Variants in CREBBP observed in about 807,000 individuals in gnomAD.
The protein encoded by CREBBP is CREB binding lysine acetyltransferase.
A neutral mutation model predicts 265.0 loss-of-function variants in CREBBP; 19 were observed. That is an observed-to-expected ratio of 0.07 (90% confidence interval 0.05 to 0.11). The LOEUF (loss-of-function observed/expected upper bound fraction) is 0.11. CREBBP is among the 10% of genes least tolerant of loss of function. The pLI is 1.00. For synonymous variants in CREBBP, 1,457 were observed against 1,223.7 expected, an observed-to-expected ratio of 1.19 and a Z score of -3.98; for missense variants, 2,525 against 3,219.0, an observed-to-expected ratio of 0.78 and a Z score of 5.22.
rs1468105102 is a variant in CREBBP at position 3,810,667 on chromosome 16, A to C, written c.911T>G (p.Val304Gly). The C allele has an allele frequency of 6.2e-7, 1 of 1,613,628 alleles. No individual in the cohort carries two copies. ...NPQLASKQSM[V>G]NSLPTFPTDI... ...TGTAGGGAAGGTGGGCAAACTGTTG[A>C]CCATGCTCTGTTTGCTGGCTAACTG... Residue 304 changes from valine to glycine, a missense_variant, in exon 3 of 31, where the codon GTC (valine) becomes GGC (glycine). Physicochemically the swap from Val to Gly is moderately radical, Grantham distance 109. Transcript: ENST00000262367.
At chr16:3,856,293 TTTTA>T (rs2054962697) in intron 1 of CREBBP, among the ~76,000 whole-genome samples, 1 of 152,114 alleles carries the variant, frequency 6.6e-6, no homozygotes, top group Non-Finnish European at 1.5e-5. Context: ...ACAGCTCATT[TTTTA>T]TTTTATTTTT....
chr16:3,839,856 TGA>T (rs1305938459), intron 2 of CREBBP, among the ~76,000 whole-genome samples: 1 of 141,438 alleles, frequency 7.1e-6, no homozygotes, highest in African/African-American at 2.6e-5. Context: ...AGAGGAAGAG[TGA>T]GAGAAAGAAA....
chr16:3,769,974 G>A (rs527297225), intron 14 of CREBBP, among the ~76,000 whole-genome samples: 12 of 152,106 alleles, frequency 7.9e-5, no homozygotes, highest in Admixed American at 7.2e-4. Flanking sequence ...AGGCTCAAGC[G>A]ATTCTCCCGC....
intron 1 of CREBBP, among the ~76,000 whole-genome samples, chr16:3,856,081 AAAT>A (rs2054956025): frequency 6.6e-6 from 1 of 152,270 alleles, no homozygotes; most frequent in African/African-American, 2.4e-5. Context: ...TGTCAACTAC[AAAT>A]AAAAGGAAAA....
intron 1 of CREBBP, among the ~76,000 whole-genome samples, chr16:3,866,455 T>C (rs573214152): frequency 8.5e-5 from 13 of 152,322 alleles, no homozygotes; most frequent in African/African-American, 2.9e-4. Flanking sequence ...GTTCAAATAA[T>C]TCTCATTAGA....
At chr16:3,735,579 G>A (rs2052034136) in intron 28 of CREBBP, among the ~76,000 whole-genome samples, 1 of 152,212 alleles carries the variant, frequency 6.6e-6, no homozygotes, top group East Asian at 1.9e-4. Flanking sequence ...ACAGGTGTGA[G>A]CCACCGCGCC....
Position 3,770,606 on chromosome 16 carries a change from C to T in CREBBP, c.2844G>A (p.Gln948=), listed in dbSNP as rs1007589994. The T allele has an allele frequency of 1.1e-5, 18 of 1,613,654 alleles. No individual in the cohort carries two copies. The highest frequency in any genetic ancestry group is 1.3e-5 in the Non-Finnish European group (15 of 1,180,016). Residue 948 remains glutamine, a synonymous_variant, in exon 14 of 31, where the codon CAG becomes CAA. Coordinates refer to ENST00000262367, the MANE Select transcript of CREBBP (RefSeq NM_004380.3). The part of the protein sequence containing the change: ...SVATPQSSQQ[Q]PTPVHAQPPG... ...GAGGCTGGGCGTGCACAGGCGTCGG[C>T]TGTTGCTGCGATGACTGAGGGGTAG...
chr16:3,757,077 C>T (rs1485130510), intron 19 of CREBBP, among the ~76,000 whole-genome samples: 3 of 152,052 alleles, frequency 2.0e-5, no homozygotes, highest in Admixed American at 6.6e-5. Flanking sequence ...TTCTCTATGT[C>T]GCCAAGGCTG....
At chr16:3,842,714 C>T (rs1392909687) in intron 2 of CREBBP, among the ~76,000 whole-genome samples, 2 of 152,036 alleles carry the variant, frequency 1.3e-5, no homozygotes, top group African/African-American at 4.8e-5. Flanking sequence ...CCTGTAACCT[C>T]AGCACTTTGG....
chr16:3,799,262 A>G (rs1167512242), intron 3 of CREBBP, among the ~76,000 whole-genome samples: 1 of 152,246 alleles, frequency 6.6e-6, no homozygotes, highest in East Asian at 1.9e-4. Context: ...GTTACACAAT[A>G]TACTAAATAC....
intron 1 of CREBBP, among the ~76,000 whole-genome samples, chr16:3,858,558 A>T (rs2055009721): frequency 4.6e-5 from 7 of 152,234 alleles, no homozygotes; most frequent in Admixed American, 4.6e-4. Context: ...CTCAGTGCCT[A>T]GCATAAAATG....
At chr16:3,769,386 A>C (rs930727835) in intron 14 of CREBBP, 33 bp from the exon 15 acceptor site, 1 of 1,613,474 alleles carries the variant, frequency 6.2e-7, no homozygotes, top group Admixed American at 1.7e-5. Context: ...GACTTCAGTA[A>C]GCAAGGTAAC....
At chr16:3,830,094 T>A (rs1199833171) in intron 2 of CREBBP, among the ~76,000 whole-genome samples, 1 of 152,110 alleles carries the variant, frequency 6.6e-6, no homozygotes, top group African/African-American at 2.4e-5. Flanking sequence ...GAGACATACT[T>A]AAGAGACAAA....
chr16:3,803,403 G>C (rs193096462), intron 3 of CREBBP, among the ~76,000 whole-genome samples: 3 of 151,888 alleles, frequency 2.0e-5, no homozygotes, highest in Admixed American at 2.0e-4. Context: ...TACTCGGAAG[G>C]CTGAGGCAGG....
At chr16:3,766,908 T>A (rs777901573) in intron 16 of CREBBP, among the ~76,000 whole-genome samples, 3 of 151,986 alleles carry the variant, frequency 2.0e-5, no homozygotes, top group Non-Finnish European at 4.4e-5. Flanking sequence ...TTTCTAAGAG[T>A]ATAAAGAGCC....
chr16:3,735,774 C>T (rs1241439037), intron 28 of CREBBP, among the ~76,000 whole-genome samples: 3 of 152,194 alleles, frequency 2.0e-5, no homozygotes, highest in Non-Finnish European at 2.9e-5. Flanking sequence ...TCCTGACTGC[C>T]CCATGTCCCA....
chr16:3,794,048 C>T (rs1405838110), intron 3 of CREBBP, among the ~76,000 whole-genome samples: 1 of 152,180 alleles, frequency 6.6e-6, no homozygotes, highest in Non-Finnish European at 1.5e-5. Context: ...CAAGGCCTGG[C>T]CGAGCGCGTT....
rs71133655 is a variant in CREBBP at position 3,768,136 on chromosome 16, GTTTTTTTTTTTTTTTT to G, written c.3061-243_3061-228del. 3.9e-3 allele frequency among the ~76,000 whole-genome samples: 203 copies of G among 51,628 alleles called. 1 individual carries two copies. The highest frequency in any genetic ancestry group is 4.7e-3 in the Non-Finnish European group (133 of 28,458). The allele number at this position is 51,628 out of a possible 152,430, so 33.9% of individuals were successfully genotyped here. ...CAATTATGGTCCTAAATTTAAAAGT[GTTTTTTTTTTTTTTTT>G]TTTTTTTTTTTTTTTTTGAGACAGA... On this transcript the variant is annotated intron_variant, in intron 15 of 30. Coordinates refer to ENST00000262367, the MANE Select transcript of CREBBP (RefSeq NM_004380.3).
chr16:3,758,147 C>T, intron 17 of CREBBP, 99 bp from the exon 18 acceptor site: 10 of 1,302,748 alleles, frequency 7.7e-6, no homozygotes, highest in Non-Finnish European at 9.6e-6. Context: ...AAACAGAAAG[C>T]ACCAAAATAA....
Sources: allele counts gnomAD v4.1 joint callset (sites outside exome capture counted in the v4.1 genomes callset), GRCh38; gene constraint gnomAD v4.1.1; transcripts MANE v1.5; gene names NCBI Gene and HGNC (gene_info 2026-07-23, HGNC 2026-07-21).